The following NEK6 variants were observed in gnomAD, a reference collection of about 807,000 sequenced individuals.
NEK6 encodes NIMA related kinase 6.
Under a neutral mutation model 43.5 loss-of-function variants are expected in NEK6, and 27 were observed. The ratio of observed to expected loss-of-function variants is 0.62; its 90% CI spans 0.46 to 0.86. NEK6 has a LOEUF of 0.86. Among genes scored for constraint, NEK6 ranks in the 40% least tolerant of loss-of-function variants. NEK6 has a pLI of 0.00. For missense variants in NEK6, 318 were observed against 414.4 expected (o/e 0.77, Z 2.02); for synonymous variants, 167 against 164.1 (o/e 1.02, Z -0.14).
At position 124,281,283 on chromosome 9, in the gene NEK6, CATAGG is replaced by C. The variant is rs368834128; in HGVS notation, c.-29-20651_-29-20647del. Among the ~76,000 whole-genome samples the C allele has an allele frequency of 2.0e-4, 30 of 152,212 alleles. No individual in the cohort carries two copies. In the East Asian group the frequency reaches 5.4e-3, roughly 27 times the overall value. On this transcript the variant is annotated intron_variant, in intron 1 of 9. Coordinates refer to ENST00000320246, the MANE Select transcript of NEK6 (RefSeq NM_014397.6). The stretch of plus-strand genomic sequence containing the variant: ...GAGAGGGAGACCCCCTTTTTGTACT[CATAGG>C]AGAATGGAGGAGGCCGGCCATGCTT...
intron 7 of NEK6, among the ~76,000 whole-genome samples, chr9:124,329,651 C>T (rs1307051760): frequency 6.6e-6 from 1 of 152,224 alleles, no homozygotes; most frequent in Non-Finnish European, 1.5e-5. Context: ...GAGGCCTGCA[C>T]GGAGCTGAGC....
At chr9:124,325,315 C>A (rs181407082) in intron 5 of NEK6, among the ~76,000 whole-genome samples, 3 of 152,182 alleles carry the variant, frequency 2.0e-5, no homozygotes, top group Admixed American at 6.5e-5. Flanking sequence ...CTCTTAGGCC[C>A]GGCATGGTGG....
chr9:124,313,723 C>T (rs1004355140), intron 3 of NEK6, among the ~76,000 whole-genome samples, 200 bp from the exon 4 acceptor site: 3 of 151,316 alleles, frequency 2.0e-5, no homozygotes, highest in African/African-American at 2.4e-5. Context: ...TTTAGTGCCA[C>T]GATGGGTTTT....
At chr9:124,323,349 G>A (rs1477549684) in intron 5 of NEK6, among the ~76,000 whole-genome samples, 2 of 152,238 alleles carry the variant, frequency 1.3e-5, no homozygotes, top group Non-Finnish European at 2.9e-5. Flanking sequence ...ACCGGATCAC[G>A]TAGGGCCTGT....
intron 1 of NEK6, among the ~76,000 whole-genome samples, chr9:124,261,860 G>A (rs1057183010): frequency 6.6e-6 from 1 of 152,158 alleles, no homozygotes; most frequent in East Asian, 1.9e-4. Context: ...GATCTTGTGC[G>A]AAGGCTCAGC....
intron 1 of NEK6, among the ~76,000 whole-genome samples, chr9:124,270,078 C>A (rs1009159568): frequency 5.3e-5 from 8 of 152,164 alleles, no homozygotes; most frequent in Non-Finnish European, 1.0e-4. Context: ...CGCCCCCCCC[C>A]CATGCTGTCT....
intron 8 of NEK6, among the ~76,000 whole-genome samples, chr9:124,345,330 G>C (rs1017825467): frequency 6.6e-6 from 1 of 152,250 alleles, no homozygotes; most frequent in Non-Finnish European, 1.5e-5. Flanking sequence ...CCATTGCCCT[G>C]ATGAGGGTGG....
chr9:124,335,269 C>T (rs976690907), intron 7 of NEK6, among the ~76,000 whole-genome samples: 6 of 152,104 alleles, frequency 3.9e-5, no homozygotes, highest in Admixed American at 3.3e-4. Flanking sequence ...TTTGCTCCCT[C>T]GTGACCAAAA....
intron 2 of NEK6, among the ~76,000 whole-genome samples, chr9:124,311,116 C>T (rs1833506124): frequency 6.6e-6 from 1 of 152,194 alleles, no homozygotes; most frequent in Non-Finnish European, 1.5e-5. Context: ...GTCCGGCCAG[C>T]AGTTCCTGGT....
intron 1 of NEK6, among the ~76,000 whole-genome samples, chr9:124,264,031 G>A (rs1234480654): frequency 6.6e-6 from 1 of 152,152 alleles, no homozygotes; most frequent in African/African-American, 2.4e-5. Flanking sequence ...AGGAGCGGCT[G>A]TCACAGGCCT....
chr9:124,288,150 T>G (rs1486724827), intron 1 of NEK6, among the ~76,000 whole-genome samples: 1 of 152,198 alleles, frequency 6.6e-6, no homozygotes. Context: ...CTGGTGTCCA[T>G]AAGGCTGGGG....
intron 1 of NEK6, among the ~76,000 whole-genome samples, chr9:124,272,171 C>T (rs551349498): frequency 3.3e-5 from 5 of 152,326 alleles, no homozygotes; most frequent in Admixed American, 2.0e-4. Context: ...GGGGTGAGCT[C>T]GGAGCTTGGT....
intron 7 of NEK6, among the ~76,000 whole-genome samples, chr9:124,331,127 C>T (rs1828965750): frequency 6.6e-6 from 1 of 151,644 alleles, no homozygotes; most frequent in Admixed American, 6.6e-5. Context: ...TTAGCCAGGC[C>T]TGGTGGTGCA....
chr9:124,305,564 A>G (rs891805584), intron 2 of NEK6, among the ~76,000 whole-genome samples: 6 of 151,734 alleles, frequency 4.0e-5, no homozygotes, highest in South Asian at 2.1e-4. Context: ...AAAAAAAAAA[A>G]AAAAAGAAAA....
chr9:124,265,531 A>T (rs35068124), intron 1 of NEK6: 1 of 151,888 alleles, frequency 6.6e-6, no homozygotes, highest in Non-Finnish European at 1.5e-5. Flanking sequence ...CAAAAAAAAA[A>T]AGACAAGTTT....
intron 1 of NEK6, chr9:124,265,777 T>G (rs1564612267): frequency 6.6e-6 from 1 of 152,274 alleles, no homozygotes; most frequent in African/African-American, 2.4e-5. Context: ...CTAAGTGGAC[T>G]CCCTTCTGCT....
chr9:124,265,897 G>C (rs3814136), intron 1 of NEK6: 12,511 of 152,352 alleles, frequency 0.082, 844 homozygotes, highest in East Asian at 0.35. Context: ...CCCACACGAA[G>C]ACCCTCTAAT....
At chr9:124,332,865 G>T (rs1829080804) in intron 7 of NEK6, among the ~76,000 whole-genome samples, 1 of 152,160 alleles carries the variant, frequency 6.6e-6, no homozygotes. Context: ...GAAGGTCAGG[G>T]TTTGTCAGGC....
Position 124,263,898 on chromosome 9 carries a change from G to A in NEK6, c.-30+5813G>A, listed in dbSNP as rs1040461935. Among the ~76,000 whole-genome samples, 13 of 152,366 alleles carry A rather than the reference G, an allele frequency of 8.5e-5. No individual in the cohort carries two copies. The East Asian group carries it at 1.7e-3, about 20-fold the overall frequency. On this transcript the variant is annotated intron_variant, in intron 1 of 9. Transcript: ENST00000320246. Reference sequence around the variant, plus strand: ...CCACAAAGCGAGGCCATAAGTCCTCGGCGTGGCATTGGAGGGTCTCTGAAG... The same window carrying A: ...CCACAAAGCGAGGCCATAAGTCCTCAGCGTGGCATTGGAGGGTCTCTGAAG...
Sources: gnomAD v4.1 joint callset for allele counts (sites outside exome capture counted in the v4.1 genomes callset) on GRCh38, gnomAD v4.1.1 for gene constraint, MANE v1.5 for transcripts, NCBI Gene and HGNC (gene_info 2026-07-23, HGNC 2026-07-21) for gene names.